ATAD2B: variants seen among roughly 807,000 people sequenced by gnomAD.
ATAD2B encodes ATPase family AAA domain-containing protein 2B.
In ATAD2B, 40 loss-of-function variants were observed where a neutral mutation model predicts 167.6. The ratio of observed to expected loss-of-function variants is 0.24; its 90% CI spans 0.19 to 0.31. The LOEUF is 0.31. Among genes scored for constraint, ATAD2B ranks in the 10% least tolerant of loss-of-function variants. The probability of loss-of-function intolerance (pLI) is 1.00; values close to 1 mark genes in which losing one functional copy is unlikely to be tolerated. For missense variants in ATAD2B, 1,242 were observed against 1,757.2 expected, an observed-to-expected ratio of 0.71 and a Z score of 5.24; for synonymous variants, 579 against 596.5, an observed-to-expected ratio of 0.97 and a Z score of 0.43.
chr2:23,876,821 A>G (rs1696914455), intron 7 of ATAD2B, among the ~76,000 whole-genome samples: 1 of 152,018 alleles, frequency 6.6e-6, no homozygotes, highest in Non-Finnish European at 1.5e-5. Flanking sequence ...TAATCCCAGC[A>G]CTTTGGGAGG....
At chr2:23,737,741 A>G in the ATAD2B span, among the ~76,000 whole-genome samples, 1 of 152,312 alleles carries the variant, frequency 6.6e-6, no homozygotes, top group African/African-American at 2.4e-5. Context: ...CAGACGATCA[A>G]ACTACTCCGA....
Position 23,757,671 on chromosome 2 carries a change from G to A in ATAD2B, c.3825C>T (p.Asp1275=). The change falls in exon 25 of 28, where the codon GAC becomes GAT. Residue 1275 remains aspartate, a synonymous_variant. Transcript: ENST00000238789. ...GNCLNGEAST[D]SFEGIPVLEC... ...CCAGAACTGGTATTCCTTCAAAACT[G>A]TCAGTGGAAGCCTCACCATTTAGAC... 1 of 1,613,796 alleles carries A rather than the reference G, an allele frequency of 6.2e-7. No individual in the cohort carries two copies. The highest frequency in any genetic ancestry group is 8.5e-7 in the Non-Finnish European group (1 of 1,179,744).
chr2:23,857,736 T>G (rs1693644801), intron 12 of ATAD2B, among the ~76,000 whole-genome samples: 1 of 135,510 alleles, frequency 7.4e-6, no homozygotes, highest in Non-Finnish European at 1.6e-5. Context: ...CAAACCAAAG[T>G]GTATTTTTTT....
At chr2:23,684,664 TC>T in the ATAD2B span, 4 of 16,934 alleles carry the variant, frequency 2.4e-4, no homozygotes, top group Non-Finnish European at 9.2e-4. The surrounding 1 kb of genome is among the most constrained non-coding windows in gnomAD (Gnocchi z 4.4). Context: ...TAGCCATCTC[TC>T]CTCCTCCTCC....
intron 6 of ATAD2B, among the ~76,000 whole-genome samples, chr2:23,881,666 T>G (rs1697928218): frequency 6.7e-6 from 1 of 150,340 alleles, no homozygotes; most frequent in Non-Finnish European, 1.5e-5. Flanking sequence ...CAGCTATAAT[T>G]CATTTTTTAA....
the ATAD2B span, among the ~76,000 whole-genome samples, chr2:23,736,479 A>T: frequency 6.6e-6 from 1 of 152,200 alleles, no homozygotes; most frequent in African/African-American, 2.4e-5. Context: ...AAAGAAAAAC[A>T]AAGAAAAAAT....
chr2:23,812,079 C>T (rs1685683910), intron 17 of ATAD2B, among the ~76,000 whole-genome samples: 1 of 151,698 alleles, frequency 6.6e-6, no homozygotes, highest in South Asian at 2.1e-4. Context: ...CATTCTAAGG[C>T]AATGCAGTAA....
the ATAD2B span, among the ~76,000 whole-genome samples, chr2:23,728,300 C>T: frequency 2.0e-5 from 3 of 151,850 alleles, no homozygotes; most frequent in Non-Finnish European, 4.4e-5. Flanking sequence ...TTTGTATAAA[C>T]AAAGAGGGGA....
chr2:23,798,372 A>G lies in ATAD2B; in HGVS notation c.2455-49T>C, dbSNP rs776054872. 5 of 1,407,208 alleles carry G rather than the reference A, an allele frequency of 3.6e-6. No individual in the cohort carries two copies. The South Asian group carries it at 5.5e-5, about 15-fold the overall frequency. 87.2% of individuals were successfully genotyped at this position (1,407,208 alleles called of 1,614,324 possible). A position where few individuals can be genotyped will look rare whatever the true frequency, so the allele number is the denominator to read the frequency against. On this transcript the variant is annotated intron_variant, in intron 18 of 27. Coordinates refer to ENST00000238789, the MANE Select transcript of ATAD2B (RefSeq NM_017552.4). ...TTAAACAACTCAAATTGATTATTCT[A>G]AAGTCTACCCAGTAATCTCCAAATA...
chr2:23,751,756 G>A lies in ATAD2B; in HGVS notation c.*290C>T. The A allele has an allele frequency of 2.4e-6, 1 of 411,556 alleles. No homozygotes were observed. The allele number at this position is 411,556 out of a possible 1,614,324, so 25.5% of individuals were successfully genotyped here. A position where few individuals can be genotyped will look rare whatever the true frequency, so the allele number is the denominator to read the frequency against. ...TCCAAAAGAGAGTGCACAAAAAGAGGAGCAGAAGCGAGAGCAGTTTCTGTA... is the reference window on the plus strand; with the variant it reads ...TCCAAAAGAGAGTGCACAAAAAGAGAAGCAGAAGCGAGAGCAGTTTCTGTA... On this transcript the variant is annotated 3_prime_UTR_variant, in exon 28 of 28. Coordinates refer to ENST00000238789, the MANE Select transcript of ATAD2B (RefSeq NM_017552.4).
chr2:23,851,120 C>T (rs183349919), intron 13 of ATAD2B, among the ~76,000 whole-genome samples: 16 of 152,308 alleles, frequency 1.1e-4, no homozygotes, highest in Non-Finnish European at 1.9e-4. Flanking sequence ...TAATGTTCTG[C>T]TATTTCTAAG....
chr2:23,734,877 A>G, the ATAD2B span, among the ~76,000 whole-genome samples: 3 of 151,928 alleles, frequency 2.0e-5, no homozygotes, highest in South Asian at 2.1e-4. Context: ...TTTATTCTTA[A>G]TTTTTCTTAA....
chr2:23,911,565 G>A (rs960017265), intron 1 of ATAD2B, among the ~76,000 whole-genome samples: 19 of 149,562 alleles, frequency 1.3e-4, no homozygotes, highest in Admixed American at 6.1e-4. Flanking sequence ...AAAAAGAAAC[G>A]AGAAGAAGAA....
chr2:23,880,748 T>C lies in ATAD2B; in HGVS notation c.792A>G (p.Gln264=). Reference sequence around the variant, plus strand: ...CAACTTCTATATCTCCATCCTCCTCTTGAGATTCTAGTTTCCCACACACAA... The same window carrying C: ...CAACTTCTATATCTCCATCCTCCTCCTGAGATTCTAGTTTCCCACACACAA... ...VSTEGEEEES[Q]EEDGDIEVEE... is the part of the protein sequence containing the mutation. Residue 264 remains glutamine (Q), a synonymous_variant, in exon 7 of 28, where the codon CAA becomes CAG. Transcript: ENST00000238789. 6.3e-7 allele frequency: 1 copy of C among 1,578,924 alleles called. No individual in the cohort carries two copies. Among genetic ancestry groups the C allele is most frequent in the African/African-American group, 1.3e-5 (1 of 74,264 alleles).
chr2:23,862,874 C>T (rs980389865), intron 12 of ATAD2B, among the ~76,000 whole-genome samples: 2 of 151,962 alleles, frequency 1.3e-5, no homozygotes, highest in Non-Finnish European at 2.9e-5. Flanking sequence ...TATTATATAC[C>T]TCGCAGCCAC....
chr2:23,829,019 G>T, intron 14 of ATAD2B, 80 bp from the exon 15 acceptor site: 1 of 906,170 alleles, frequency 1.1e-6, no homozygotes, highest in Non-Finnish European at 1.7e-6. Context: ...CCTCAAATAC[G>T]TTAGGTGGAA....
chr2:23,787,349 C>T (rs1013619087), intron 20 of ATAD2B, among the ~76,000 whole-genome samples: 1 of 151,668 alleles, frequency 6.6e-6, no homozygotes, highest in African/African-American at 2.4e-5. Flanking sequence ...TTATATCAAT[C>T]GTAAACATAG....
rs796208783 is a variant in ATAD2B, at chr2:23,829,224, A to G, written c.1729-285T>C. On this transcript the variant is annotated intron_variant, in intron 14 of 27. Coordinates refer to ENST00000238789, the MANE Select transcript of ATAD2B (RefSeq NM_017552.4). ...ATTGACTAGCAGCATATAACAACTA[A>G]GTGACTCATCTGGGACTAGAATTCA... 7.2e-5 allele frequency among the ~76,000 whole-genome samples: 11 copies of G among 152,296 alleles called. 1 individual carries two copies. Among genetic ancestry groups the G allele is most frequent in the African/African-American group, 2.6e-4 (11 of 41,568 alleles).
intron 13 of ATAD2B, among the ~76,000 whole-genome samples, chr2:23,856,687 C>T (rs1006395176): frequency 6.6e-6 from 1 of 151,826 alleles, no homozygotes. Flanking sequence ...ATGGCGAAAC[C>T]CCATCTCTAC....
Sources: gnomAD v4.1 joint callset for allele counts (sites outside exome capture counted in the v4.1 genomes callset) on GRCh38, gnomAD v4.1.1 for gene constraint, Gnocchi (gnomAD v3.1) non-coding constraint, MANE v1.5 for transcripts, NCBI Gene and HGNC (gene_info 2026-07-23, HGNC 2026-07-21) for gene names.